Variants in POU2F1 observed in about 807,000 individuals in gnomAD.
POU2F1 encodes the protein POU domain, class 2, transcription factor 1.
In POU2F1, 16 loss-of-function variants were observed where a neutral mutation model predicts 84.9. The observed-to-expected ratio is 0.19, with a 90% CI of 0.13 to 0.29. POU2F1 has a LOEUF of 0.29. Among genes scored for constraint, POU2F1 ranks in the 10% least tolerant of loss-of-function variants. The pLI is 1.00. For missense variants in POU2F1, 738 were observed against 942.6 expected (o/e 0.78, Z 2.84); for synonymous variants, 368 against 368.3 (o/e 1.00, Z 0.01).
intron 2 of POU2F1, among the ~76,000 whole-genome samples, chr1:167,335,475 G>A (rs1657386742): frequency 6.6e-6 from 1 of 152,122 alleles, no homozygotes; most frequent in African/African-American, 2.4e-5. Flanking sequence ...GATCAGAAGT[G>A]CAGAATGAAG....
chr1:167,302,492 C>T (rs1290607499), intron 1 of POU2F1, among the ~76,000 whole-genome samples: 1 of 152,024 alleles, frequency 6.6e-6, no homozygotes, highest in East Asian at 1.9e-4. Flanking sequence ...CTCCTGACCT[C>T]GTGATTCGCC....
chr1:167,229,124 G>C (rs1186719264), intron 1 of POU2F1, among the ~76,000 whole-genome samples: 1 of 151,452 alleles, frequency 6.6e-6, no homozygotes, highest in African/African-American at 2.4e-5. Flanking sequence ...TGGTGTAAGA[G>C]TTTGGATTTT....
rs888387861 is a variant in POU2F1 at position 167,421,278 on chromosome 1, C to T, written c.*5468C>T. 2.6e-5 allele frequency: 4 copies of T among 152,300 alleles called. No homozygotes were observed. The highest frequency in any genetic ancestry group is 1.9e-4 in the East Asian group (1 of 5,180). 9.4% of individuals were successfully genotyped at this position (152,300 alleles called of 1,614,324 possible). On this transcript the variant is annotated 3_prime_UTR_variant, in exon 16 of 16. Coordinates refer to ENST00000367866, the MANE Select transcript of POU2F1 (RefSeq NM_002697.4). ...GTTTGCATGGATGGTGTCCACAATA[C>T]AAATGTAAACTTGGACAGGAATAGG... is the stretch of plus-strand genomic sequence containing the variant.
chr1:167,273,967 C>G (rs1030441679), intron 1 of POU2F1, among the ~76,000 whole-genome samples: 8 of 152,172 alleles, frequency 5.3e-5, no homozygotes, highest in Non-Finnish European at 8.8e-5. Flanking sequence ...GCATACTGTT[C>G]ATGTTTAATC....
intron 1 of POU2F1, among the ~76,000 whole-genome samples, chr1:167,253,387 C>CG (rs1291805804): frequency 5.6e-5 from 7 of 124,282 alleles, no homozygotes; most frequent in Non-Finnish European, 8.6e-5. Flanking sequence ...CCCCCCCCCC[C>CG]CCAAACACAC....
At chr1:167,340,044 T>A (rs1193271617) in intron 2 of POU2F1, among the ~76,000 whole-genome samples, 2 of 152,198 alleles carry the variant, frequency 1.3e-5, no homozygotes, top group Admixed American at 6.5e-5. Flanking sequence ...GTTCAGTCAC[T>A]TGATGAAGGT....
chr1:167,373,310 A>G (rs1660126658), intron 5 of POU2F1, among the ~76,000 whole-genome samples: 1 of 152,244 alleles, frequency 6.6e-6, no homozygotes. Context: ...GTTTGAAATA[A>G]GTTGCATTAT....
At chr1:167,269,977 C>G (rs1352660645) in intron 1 of POU2F1, among the ~76,000 whole-genome samples, 1 of 149,688 alleles carries the variant, frequency 6.7e-6, no homozygotes, top group Non-Finnish European at 1.5e-5. Context: ...TTTTTTCTGA[C>G]GTTGAGCTAA....
Position 167,412,122 on chromosome 1 carries a change from C to A in POU2F1, c.1719C>A (p.Ser573=). 6.2e-7 allele frequency: 1 copy of A among 1,614,196 alleles called. No individual in the cohort carries two copies. The highest frequency in any genetic ancestry group is 1.3e-5 in the African/African-American group (1 of 75,048). Residue 573 remains serine, a synonymous_variant, in exon 14 of 16, where the codon TCC becomes TCA. Coordinates refer to ENST00000367866, the MANE Select transcript of POU2F1 (RefSeq NM_002697.4). The stretch of plus-strand genomic sequence containing the variant: ...AGACCAGCACAACACAGACCACCTC[C>A]ACTCCTTTGTCCTCCCCTCTTGGGA... ...ASETSTTQTT[S]TPLSSPLGTS... is the part of the protein sequence containing the mutation.
chr1:167,225,187 C>T (rs140356807), intron 1 of POU2F1, among the ~76,000 whole-genome samples: 19 of 152,324 alleles, frequency 1.2e-4, no homozygotes, highest in African/African-American at 3.8e-4. Context: ...GAATCAAGGT[C>T]TTGAAAATTC....
chr1:167,305,240 T>G (rs1046824134), intron 1 of POU2F1, among the ~76,000 whole-genome samples: 14 of 142,972 alleles, frequency 9.8e-5, no homozygotes, highest in Non-Finnish European at 2.2e-4. Context: ...CAGGCTGGAG[T>G]GCAGTGGCGA....
chr1:167,369,598 G>T (rs974272120), intron 3 of POU2F1, among the ~76,000 whole-genome samples: 2 of 152,078 alleles, frequency 1.3e-5, no homozygotes, highest in Non-Finnish European at 2.9e-5. Flanking sequence ...TGTTTTGACA[G>T]ACTTTTATGT....
chr1:167,412,684 TA>T (rs1452657747), intron 14 of POU2F1, among the ~76,000 whole-genome samples: 1 of 152,248 alleles, frequency 6.6e-6, no homozygotes, highest in African/African-American at 2.4e-5. Flanking sequence ...GTCTCAATTT[TA>T]TACTGTTATT....
chr1:167,395,514 T>G (rs1648744109), intron 9 of POU2F1, among the ~76,000 whole-genome samples: 1 of 152,232 alleles, frequency 6.6e-6, no homozygotes, highest in African/African-American at 2.4e-5. Flanking sequence ...TTGGGAAGTT[T>G]GATTAGTTCG....
chr1:167,271,635 G>T (rs1412678237), intron 1 of POU2F1, among the ~76,000 whole-genome samples: 3 of 152,220 alleles, frequency 2.0e-5, no homozygotes, highest in Admixed American at 1.3e-4. Flanking sequence ...GGAGAGGGAT[G>T]TGTAAGGAGG....
At chr1:167,380,736 C>T (rs561770513) in intron 7 of POU2F1, 1 of 152,270 alleles carries the variant, frequency 6.6e-6, no homozygotes, top group South Asian at 2.1e-4. Context: ...ATATTGATTT[C>T]TGGAATTCTG....
At chr1:167,365,387 A>G (rs1359694119) in intron 2 of POU2F1, 80 bp from the exon 3 acceptor site, 1 of 1,064,344 alleles carries the variant, frequency 9.4e-7, no homozygotes, top group Non-Finnish European at 1.3e-6. Flanking sequence ...TAGGTGCCTG[A>G]TGAATGTTGG....
chr1:167,415,983 GA>G lies in POU2F1; in HGVS notation c.*178del. ...CACACACACCCATACACACATACCA[GA>G]AAAAGAAAGAAAGGATGGAGACGGA... On this transcript the variant is annotated 3_prime_UTR_variant, in exon 16 of 16. Transcript: ENST00000367866. 1 of 681,900 alleles carries G rather than the reference GA, an allele frequency of 1.5e-6. No homozygotes were observed. The allele number at this position is 681,900 out of a possible 1,614,324, so 42.2% of individuals were successfully genotyped here.
chr1:167,267,738 T>A (rs1652078246), intron 1 of POU2F1, among the ~76,000 whole-genome samples: 1 of 141,952 alleles, frequency 7.0e-6, no homozygotes, highest in Non-Finnish European at 1.5e-5. Context: ...GCCTCCCAGG[T>A]TCATGCCATT....
Sources: gnomAD v4.1 joint callset for allele counts (sites outside exome capture counted in the v4.1 genomes callset) on GRCh38, gnomAD v4.1.1 for gene constraint, MANE v1.5 for transcripts, NCBI Gene and HGNC (gene_info 2026-07-23, HGNC 2026-07-21) for gene names.